BMERB1: variants seen among roughly 807,000 people sequenced by gnomAD.
The protein encoded by BMERB1 is bMERB domain-containing protein 1.
In BMERB1, 12 loss-of-function variants were observed where a neutral mutation model predicts 23.6. The observed-to-expected ratio is 0.51, with a 90% CI of 0.33 to 0.82. The LOEUF (loss-of-function observed/expected upper bound fraction) is 0.82. BMERB1 is among the 40% of genes least tolerant of loss of function. The pLI is 0.03. For synonymous variants in BMERB1, 122 were observed against 96.6 expected, an observed-to-expected ratio of 1.26 and a Z score of -1.54; for missense variants, 247 against 255.4, an observed-to-expected ratio of 0.97 and a Z score of 0.22.
chr16:15,547,795 G>T (rs1378177061), intron 2 of BMERB1, among the ~76,000 whole-genome samples: 1 of 152,136 alleles, frequency 6.6e-6, no homozygotes, highest in African/African-American at 2.4e-5. Flanking sequence ...GGATCCACAG[G>T]TCAGTGTCCC....
At chr16:15,463,756 T>C (rs1359735037) in intron 1 of BMERB1, among the ~76,000 whole-genome samples, 2 of 152,090 alleles carry the variant, frequency 1.3e-5, no homozygotes, top group Admixed American at 6.6e-5. Context: ...CAGCTCCTGC[T>C]GCTGTTGACA....
At chr16:15,507,597 G>C (rs993654829) in intron 1 of BMERB1, among the ~76,000 whole-genome samples, 1 of 152,150 alleles carries the variant, frequency 6.6e-6, no homozygotes, top group African/African-American at 2.4e-5. Context: ...AGCTTGAAAT[G>C]CTCCTCCCGT....
At chr16:15,575,071 T>G (rs1050939709) in intron 3 of BMERB1, among the ~76,000 whole-genome samples, 1 of 152,106 alleles carries the variant, frequency 6.6e-6, no homozygotes, top group Non-Finnish European at 1.5e-5. Context: ...AAAGCAAGAC[T>G]CTGCCTCAAA....
intron 1 of BMERB1, among the ~76,000 whole-genome samples, chr16:15,506,774 G>C (rs1417313611): frequency 3.3e-5 from 5 of 151,718 alleles, no homozygotes; most frequent in Non-Finnish European, 7.4e-5. Flanking sequence ...TCTAATTTTA[G>C]TGGGTTGAGG....
At chr16:15,580,814 G>T (rs918347064) in intron 3 of BMERB1, among the ~76,000 whole-genome samples, 6 of 151,028 alleles carry the variant, frequency 4.0e-5, no homozygotes, top group Non-Finnish European at 8.8e-5. Context: ...CAAAGTGCTG[G>T]GATTACAGGT....
At chr16:15,568,859 A>G (rs2030649948) in intron 3 of BMERB1, among the ~76,000 whole-genome samples, 1 of 152,086 alleles carries the variant, frequency 6.6e-6, no homozygotes, top group Admixed American at 6.6e-5. Context: ...CATCTTCTCC[A>G]AAAAATTTTC....
At chr16:15,460,194 C>CT (rs2150927474) in intron 1 of BMERB1, among the ~76,000 whole-genome samples, 1 of 152,266 alleles carries the variant, frequency 6.6e-6, no homozygotes, top group African/African-American at 2.4e-5. Context: ...TGAAGATTCT[C>CT]TGAGTGGGAG....
At chr16:15,456,974 C>T (rs153802) in intron 1 of BMERB1, among the ~76,000 whole-genome samples, 66,500 of 151,666 alleles carry the variant, frequency 0.44, 15,349 homozygotes, top group Middle Eastern at 0.55. Flanking sequence ...TACAGGCACG[C>T]GCCACTATGC....
chr16:15,571,593 A>T (rs1321041405), intron 3 of BMERB1, among the ~76,000 whole-genome samples: 1 of 151,998 alleles, frequency 6.6e-6, no homozygotes, highest in Non-Finnish European at 1.5e-5. Context: ...TGACCTCATG[A>T]TCCACCCACC....
Position 15,481,526 on chromosome 16 carries a change from CA to C in BMERB1, c.107-33769del, listed in dbSNP as rs1040005287. On this transcript the variant is annotated intron_variant, in intron 1 of 5. Coordinates refer to ENST00000300006, the MANE Select transcript of BMERB1 (RefSeq NM_033201.3). ...TGGGCGACAGAGTAAGACTCCATCT[CA>C]AAAAAAAAACCCACCCAGGTGCATG... is the stretch of plus-strand genomic sequence containing the variant. Among the ~76,000 whole-genome samples the C allele has an allele frequency of 2.3e-4, 33 of 146,566 alleles. No individual in the cohort carries two copies. In the East Asian group the frequency reaches 5.0e-3, roughly 22 times the overall value.
At chr16:15,499,762 G>A (rs996965533) in intron 1 of BMERB1, among the ~76,000 whole-genome samples, 6 of 152,172 alleles carry the variant, frequency 3.9e-5, no homozygotes, top group South Asian at 4.1e-4. Context: ...TTTGGAAGAC[G>A]AGCTTTTCTC....
intron 5 of BMERB1, among the ~76,000 whole-genome samples, chr16:15,585,288 AAAG>A (rs1454585761): frequency 6.6e-6 from 1 of 152,220 alleles, no homozygotes. Flanking sequence ...TGGGTGGAAA[AAAG>A]AAATGATTCT....
intron 2 of BMERB1, among the ~76,000 whole-genome samples, chr16:15,520,993 C>G (rs914143921): frequency 6.6e-6 from 1 of 151,948 alleles, no homozygotes; most frequent in Non-Finnish European, 1.5e-5. Context: ...TTGCTCCTCC[C>G]GAGTTCCTGT....
At chr16:15,552,297 G>T (rs1372166630) in intron 2 of BMERB1, among the ~76,000 whole-genome samples, 1 of 152,070 alleles carries the variant, frequency 6.6e-6, no homozygotes, top group Non-Finnish European at 1.5e-5. Context: ...AAAATTAGCA[G>T]GGTATGGTGG....
intron 3 of BMERB1, among the ~76,000 whole-genome samples, chr16:15,580,977 A>G (rs1245603205): frequency 6.6e-6 from 1 of 150,708 alleles, no homozygotes; most frequent in East Asian, 2.0e-4. Context: ...GCTCACTGCA[A>G]CCTCCGCCTC....
intron 1 of BMERB1, among the ~76,000 whole-genome samples, chr16:15,439,330 C>G (rs1047326547): frequency 1.4e-5 from 2 of 143,472 alleles, no homozygotes; most frequent in African/African-American, 5.2e-5. Flanking sequence ...TGTAGTAATG[C>G]GCACTTCGGA....
At chr16:15,578,063 G>T (rs1386689747) in intron 3 of BMERB1, among the ~76,000 whole-genome samples, 3 of 152,078 alleles carry the variant, frequency 2.0e-5, no homozygotes, top group African/African-American at 7.2e-5. Flanking sequence ...GCATTCCTTG[G>T]GGGGGAAATC....
At chr16:15,493,763 A>T (rs1297483154) in intron 1 of BMERB1, among the ~76,000 whole-genome samples, 1 of 152,176 alleles carries the variant, frequency 6.6e-6, no homozygotes, top group Non-Finnish European at 1.5e-5. Flanking sequence ...TACCTTTCTG[A>T]ATGAAAATAA....
At chr16:15,530,407 T>C (rs1341625126) in intron 2 of BMERB1, among the ~76,000 whole-genome samples, 1 of 152,196 alleles carries the variant, frequency 6.6e-6, no homozygotes, top group Non-Finnish European at 1.5e-5. Context: ...AATTTCCTTT[T>C]TAAAAATATA....
Sources: gnomAD v4.1 joint callset for allele counts (sites outside exome capture counted in the v4.1 genomes callset) on GRCh38, gnomAD v4.1.1 for gene constraint, MANE v1.5 for transcripts, NCBI Gene and HGNC (gene_info 2026-07-23, HGNC 2026-07-21) for gene names.